ITPR2: variants seen among roughly 807,000 people sequenced by gnomAD.
ITPR2 encodes the protein inositol 1,4,5-trisphosphate receptor type 2, also known as inositol 1,4,5-trisphosphate-gated calcium channel ITPR2.
In ITPR2, 207 loss-of-function variants were observed where a neutral mutation model predicts 317.1. That is an observed-to-expected ratio of 0.65 (90% CI 0.58 to 0.73). The LOEUF is 0.73. Among genes scored for constraint, ITPR2 ranks in the 30% least tolerant of loss-of-function variants. ITPR2 has a pLI of 0.00. For synonymous variants in ITPR2, 1,156 were observed against 1,149.1 expected (o/e 1.01, Z -0.12); for missense variants, 2,613 against 3,284.0 (o/e 0.80, Z 4.99).
At position 26,599,705 on chromosome 12, in the gene ITPR2, G is replaced by T. The variant is rs76121412; in HGVS notation, c.3801+282C>A. Among the ~76,000 whole-genome samples, 1,368 of 152,130 alleles carry T rather than the reference G, an allele frequency of 9.0e-3. 22 individuals carry two copies. The highest frequency in any genetic ancestry group is 0.032 in the African/African-American group (1,309 of 41,514). Reference sequence around the variant, plus strand: ...GTTTTCCATATTTACCTTACTCATGGTATTGTGAGTTAGTTCTTTGTTCTA... The same window carrying T: ...GTTTTCCATATTTACCTTACTCATGTTATTGTGAGTTAGTTCTTTGTTCTA... On this transcript the variant is annotated intron_variant, in intron 29 of 56. Transcript: ENST00000381340.
chr12:26,658,220 TAAAC>T, intron 16 of ITPR2, 90 bp from the exon 17 acceptor site: 9 of 865,828 alleles, frequency 1.0e-5, no homozygotes, highest in Non-Finnish European at 1.4e-5. Flanking sequence ...TATAATAAAA[TAAAC>T]TTATTATATG....
In ITPR2 at chr12:26,695,608, C is replaced by T. The variant is rs765997704; in HGVS notation, c.994G>A (p.Val332Met). 1 of 1,612,324 alleles carries T rather than the reference C, an allele frequency of 6.2e-7. No homozygotes were observed. Among genetic ancestry groups the T allele is most frequent in the Non-Finnish European group, 8.5e-7 (1 of 1,178,596 alleles). Residue 332 changes from valine to methionine, a missense_variant and splice_region_variant, in exon 10 of 57, where the codon GTG becomes ATG. By Grantham distance (21) the Val-to-Met change is conservative. Around this residue, in one of 9 missense-constraint regions of ITPR2, gnomAD observed 515 missense variants for 789.4 expected, o/e 0.65. Transcript: ENST00000381340. Reference protein sequence around the residue: ...YRDAQNEGKNVRDGVPPTSKK... With the variant: ...YRDAQNEGKNMRDGVPPTSKK... ...GGAGAAAAGCCAGTTCTACTCACCA[C>T]ATTTTTTCCTTCATTTTGGGCATCT...
At chr12:26,594,327 G>A (rs9668898) in intron 32 of ITPR2, among the ~76,000 whole-genome samples, 109,665 of 151,670 alleles carry the variant, frequency 0.72, 41,161 homozygotes, top group Non-Finnish European at 0.83. Context: ...CTGGAATAAC[G>A]TATGATTCAT....
chr12:26,497,726 T>TC (rs1942973193), intron 37 of ITPR2, among the ~76,000 whole-genome samples: 2 of 145,234 alleles, frequency 1.4e-5, no homozygotes, highest in African/African-American at 5.3e-5. Flanking sequence ...TTTTTTTTTT[T>TC]TTGAAACGGA....
At chr12:26,561,571 C>G (rs1208954265) in intron 35 of ITPR2, among the ~76,000 whole-genome samples, 191 bp downstream of exon 35, 1 of 152,048 alleles carries the variant, frequency 6.6e-6, no homozygotes, top group African/African-American at 2.4e-5. Flanking sequence ...TTAATATACA[C>G]TCATTAAAAA....
intron 37 of ITPR2, among the ~76,000 whole-genome samples, chr12:26,540,231 A>G (rs1011118607): frequency 2.0e-5 from 3 of 152,228 alleles, no homozygotes; most frequent in South Asian, 2.1e-4. Context: ...GAAAACCTTC[A>G]TAAGGCATGA....
intron 1 of ITPR2, among the ~76,000 whole-genome samples, chr12:26,804,370 T>C (rs1950607183): frequency 6.6e-6 from 1 of 152,210 alleles, no homozygotes; most frequent in Admixed American, 6.5e-5. Flanking sequence ...GGCAAGGGAC[T>C]AATTGTGGCT....
intron 55 of ITPR2, among the ~76,000 whole-genome samples, chr12:26,374,457 G>A (rs1939282013): frequency 6.6e-6 from 1 of 152,148 alleles, no homozygotes; most frequent in African/African-American, 2.4e-5. Flanking sequence ...GTTGACCTTT[G>A]CCTAACCTAT....
chr12:26,608,655 G>A (rs963966569), intron 26 of ITPR2, among the ~76,000 whole-genome samples: 1 of 152,146 alleles, frequency 6.6e-6, no homozygotes, highest in African/African-American at 2.4e-5. Flanking sequence ...CCGCCCCACA[G>A]TCTGTGAAGT....
Position 26,721,680 on chromosome 12 carries a change from T to C in ITPR2, c.525+717A>G, listed in dbSNP as rs111444689. Among the ~76,000 whole-genome samples the C allele has an allele frequency of 9.8e-3, 1,492 of 152,320 alleles. 23 individuals are homozygous for C. The highest frequency in any genetic ancestry group is 0.032 in the African/African-American group (1,346 of 41,566). On this transcript the variant is annotated intron_variant, in intron 5 of 56. Transcript: ENST00000381340. ...CAAAAATATCACACTCTAGATCCTATTGACTATTTCTCATAATTTATTCTC... is the reference window on the plus strand; with the variant it reads ...CAAAAATATCACACTCTAGATCCTACTGACTATTTCTCATAATTTATTCTC...
intron 21 of ITPR2, among the ~76,000 whole-genome samples, chr12:26,640,028 G>T (rs7139085): frequency 0.84 from 127,234 of 152,116 alleles, 53,414 homozygotes; most frequent in East Asian, 0.97. Flanking sequence ...GCCAGCATTC[G>T]ATAAGTTTGT....
chr12:26,482,173 G>C (rs1018457613), intron 42 of ITPR2, among the ~76,000 whole-genome samples: 2 of 152,150 alleles, frequency 1.3e-5, no homozygotes, highest in African/African-American at 4.8e-5. Flanking sequence ...ACAGAGGAAA[G>C]GTGTTTTCTA....
intron 2 of ITPR2, among the ~76,000 whole-genome samples, chr12:26,731,660 G>A (rs542590417): frequency 9.9e-5 from 15 of 152,162 alleles, no homozygotes; most frequent in African/African-American, 3.6e-4. Context: ...AAAATCAGCT[G>A]GGGGCAGTGG....
intron 49 of ITPR2, among the ~76,000 whole-genome samples, chr12:26,423,453 T>C (rs1298495826): frequency 6.6e-6 from 1 of 152,152 alleles, no homozygotes; most frequent in East Asian, 1.9e-4. Context: ...TGAGACCAAC[T>C]TATTAAATGA....
intron 49 of ITPR2, chr12:26,421,408 C>T (rs1007373263): frequency 1.3e-5 from 2 of 152,052 alleles, no homozygotes; most frequent in African/African-American, 4.8e-5. Flanking sequence ...AAACAGGGAA[C>T]TTGGTGTGCT....
chr12:26,350,360 C>G (rs770122071), intron 55 of ITPR2, among the ~76,000 whole-genome samples: 2 of 152,118 alleles, frequency 1.3e-5, no homozygotes, highest in African/African-American at 4.8e-5. Flanking sequence ...TGGGTAAAGA[C>G]AGATGGCAGT....
At chr12:26,620,224 G>A (rs990119840) in intron 26 of ITPR2, among the ~76,000 whole-genome samples, 4 of 152,346 alleles carry the variant, frequency 2.6e-5, no homozygotes, top group South Asian at 2.1e-4. Flanking sequence ...TGCGAGGGCC[G>A]CAAAGGAAAT....
In ITPR2 at chr12:26,495,161, G is replaced by A; in HGVS notation, c.5173C>T (p.Gln1725Ter). The A allele has an allele frequency of 6.4e-7, 1 of 1,560,588 alleles. No individual in the cohort carries two copies. Among genetic ancestry groups the A allele is most frequent in the Non-Finnish European group, 8.8e-7 (1 of 1,130,890 alleles). Residue 1725 changes from glutamine to a stop codon, truncating the protein, a stop_gained, in exon 38 of 57, where the codon CAG becomes TAG. Coordinates refer to ENST00000381340, the MANE Select transcript of ITPR2 (RefSeq NM_002223.4). LOFTEE classifies it high-confidence loss of function. ...HLSGAYSKTA[Q>*]VGGSFSGQDS... ...AAATGACAGGACTTACCTCCCACCT[G>A]TGCAGTTTTGGAGTAGGCTCCTGAT...
chr12:26,832,162 C>T (rs10842799), intron 1 of ITPR2, among the ~76,000 whole-genome samples: 24,360 of 152,048 alleles, frequency 0.16, 2,312 homozygotes, highest in East Asian at 0.22. Flanking sequence ...GAAACTGCTC[C>T]AGCGAAGAGG....
Sources: gnomAD v4.1 joint callset for allele counts (sites outside exome capture counted in the v4.1 genomes callset) on GRCh38, gnomAD v4.1.1 for gene constraint, gnomAD v4.1.1 regional missense constraint, MANE v1.5 for transcripts, NCBI Gene and HGNC (gene_info 2026-07-23, HGNC 2026-07-21) for gene names.